DGKD: variants seen among roughly 807,000 people sequenced by gnomAD.
The protein encoded by DGKD is diacylglycerol kinase delta, also known as DAG kinase delta.
Under a neutral mutation model 154.4 loss-of-function variants are expected in DGKD, and 68 were observed. The ratio of observed to expected loss-of-function variants is 0.44; its 90% CI spans 0.36 to 0.54. The LOEUF (loss-of-function observed/expected upper bound fraction) is 0.54, where lower values mean the gene tolerates loss of function less well. DGKD is among the 20% of genes least tolerant of loss of function. DGKD has a pLI of 0.00. For synonymous variants in DGKD, 693 were observed against 638.0 expected (o/e 1.09, Z -1.30); for missense variants, 1,343 against 1,593.6 (o/e 0.84, Z 2.68).
chr2:233,421,343 G>A (rs1039778544), intron 3 of DGKD, among the ~76,000 whole-genome samples: 3 of 152,246 alleles, frequency 2.0e-5, no homozygotes, highest in East Asian at 1.9e-4. Context: ...CACATCCAGA[G>A]CCTGCCCACT....
At chr2:233,387,940 C>T (rs1441888972) in intron 1 of DGKD, among the ~76,000 whole-genome samples, 1 of 152,204 alleles carries the variant, frequency 6.6e-6, no homozygotes, top group Non-Finnish European at 1.5e-5. Context: ...GTCCTCCCAG[C>T]TGCTGTGTAC....
chr2:233,451,413 G>A (rs1559167488), intron 17 of DGKD, among the ~76,000 whole-genome samples: 1 of 152,162 alleles, frequency 6.6e-6, no homozygotes, highest in Non-Finnish European at 1.5e-5. Context: ...GTGGTCGCAG[G>A]AGGCGCAGGG....
Position 233,356,160 on chromosome 2 carries a change from C to T in DGKD, c.156+1486C>T, listed in dbSNP as rs192011480. Among the ~76,000 whole-genome samples, 7 of 152,308 alleles carry T rather than the reference C, an allele frequency of 4.6e-5. No homozygotes were observed. The East Asian group carries it at 1.3e-3, about 29-fold the overall frequency. On this transcript the variant is annotated intron_variant, in intron 1 of 29. Transcript: ENST00000264057. ...GAGATCTTGAGGGATAAAGAATTCA[C>T]CAGGCTAAGTGGGTAAGAAATGGCC...
intron 3 of DGKD, among the ~76,000 whole-genome samples, chr2:233,405,025 C>T (rs572705073): frequency 1.2e-4 from 18 of 152,212 alleles, no homozygotes; most frequent in Admixed American, 2.6e-4. Flanking sequence ...AAGGACAGGC[C>T]GGCCCTTGGT....
chr2:233,418,537 A>G (rs2062020107), intron 3 of DGKD, among the ~76,000 whole-genome samples: 1 of 152,246 alleles, frequency 6.6e-6, no homozygotes, highest in African/African-American at 2.4e-5. Context: ...TTCTAAAAAA[A>G]TAAATAAATT....
intron 18 of DGKD, 79 bp from the exon 19 acceptor site, chr2:233,454,684 G>A (rs1230535390): frequency 3.7e-6 from 3 of 821,312 alleles, no homozygotes; most frequent in Non-Finnish European, 6.1e-6. Context: ...CCAAGGAAGA[G>A]AAATGCTGAG....
At chr2:233,358,885 A>G (rs1701645885) in intron 1 of DGKD, among the ~76,000 whole-genome samples, 2 of 152,174 alleles carry the variant, frequency 1.3e-5, no homozygotes, top group Admixed American at 6.5e-5. Flanking sequence ...TTGTGTGGAC[A>G]TAGGTTTTCA....
Position 233,459,749 on chromosome 2 carries a change from C to T in DGKD, c.2695-8C>T. ...TCAGCATGAGTAATGGCTATGATGTCTGCTCAGTGTCGCACGGTGAAGATC... is the reference window on the plus strand; with the variant it reads ...TCAGCATGAGTAATGGCTATGATGTTTGCTCAGTGTCGCACGGTGAAGATC... On this transcript the variant is annotated splice_region_variant and splice_polypyrimidine_tract_variant and intron_variant, in intron 22 of 29. Transcript: ENST00000264057. The surrounding 1 kb of genome is among the most constrained non-coding windows in gnomAD (Gnocchi z 5.7). 1 of 1,612,874 alleles carries T rather than the reference C, an allele frequency of 6.2e-7. No homozygotes were observed. The highest frequency in any genetic ancestry group is 8.5e-7 in the Non-Finnish European group (1 of 1,179,446).
chr2:233,464,098 CT>C, intron 26 of DGKD, 65 bp from the exon 27 acceptor site: 1 of 1,602,596 alleles, frequency 6.2e-7, no homozygotes, highest in South Asian at 1.1e-5. Context: ...CCTCACCCCC[CT>C]GGGCCTCGCG....
intron 3 of DGKD, among the ~76,000 whole-genome samples, chr2:233,407,672 C>T (rs749224028): frequency 1.3e-5 from 2 of 152,140 alleles, no homozygotes; most frequent in South Asian, 2.1e-4. Flanking sequence ...GAGGCTGAGG[C>T]GGGAGGATCA....
At chr2:233,395,804 G>A (rs1703985694) in intron 3 of DGKD, among the ~76,000 whole-genome samples, 1 of 151,748 alleles carries the variant, frequency 6.6e-6, no homozygotes, top group Admixed American at 6.6e-5. Flanking sequence ...AAAATGTTCA[G>A]ATTACAGGCA....
intron 1 of DGKD, among the ~76,000 whole-genome samples, chr2:233,358,973 G>A (rs1441092): frequency 0.11 from 16,759 of 152,234 alleles, 1,208 homozygotes; most frequent in South Asian, 0.33. Flanking sequence ...CAGCTAAAAA[G>A]CTGCCGTAAC....
chr2:233,450,381 C>T (rs1022577626), intron 16 of DGKD, among the ~76,000 whole-genome samples: 1 of 152,172 alleles, frequency 6.6e-6, no homozygotes, highest in Non-Finnish European at 1.5e-5. Context: ...CGAGGACTGC[C>T]TCCCTGAGGA....
At position 233,449,484 on chromosome 2, in the gene DGKD, A is replaced by T; in HGVS notation, c.1888+108A>T. On this transcript the variant is annotated intron_variant, in intron 15 of 29. Transcript: ENST00000264057. This position sits in a 1 kb window ranked among gnomAD's most constrained non-coding sequence, Gnocchi z 5.3. Reference sequence around the variant, plus strand: ...AAGGGTGCATGTTGAGAAAACCTCCACTGCGGCCCTCTCCACCCATGTCCA... The same window carrying T: ...AAGGGTGCATGTTGAGAAAACCTCCTCTGCGGCCCTCTCCACCCATGTCCA... 1 of 1,412,648 alleles carries T rather than the reference A, an allele frequency of 7.1e-7. No individual in the cohort carries two copies. The highest frequency in any genetic ancestry group is 9.4e-7 in the Non-Finnish European group (1 of 1,067,052). 87.5% of individuals were successfully genotyped at this position (1,412,648 alleles called of 1,614,324 possible).
At chr2:233,408,046 T>TG (rs1383002148) in intron 3 of DGKD, among the ~76,000 whole-genome samples, 2 of 144,302 alleles carry the variant, frequency 1.4e-5, no homozygotes, top group Non-Finnish European at 3.0e-5. Context: ...GAAAAACTGT[T>TG]TTTTTTTTTT....
At chr2:233,432,767 C>T (rs1417952308) in intron 3 of DGKD, among the ~76,000 whole-genome samples, 2 of 152,186 alleles carry the variant, frequency 1.3e-5, no homozygotes, top group Non-Finnish European at 2.9e-5. Flanking sequence ...AAAATCTAAT[C>T]ATCCAGTTAA....
chr2:233,370,606 C>G (rs7576633), intron 1 of DGKD, among the ~76,000 whole-genome samples: 30,681 of 136,776 alleles, frequency 0.22, 3,831 homozygotes, highest in African/African-American at 0.37. Flanking sequence ...GTGAATAATA[C>G]TCTGTTCTGT....
Position 233,469,602 on chromosome 2 carries a change from C to T in DGKD, c.*142C>T, listed in dbSNP as rs887922756. ...CCGCCCCCTTCTCATGGTGCTACTT[C>T]CTCTGTCAGCTACAGAAAGCCTCCG... On this transcript the variant is annotated 3_prime_UTR_variant, in exon 30 of 30. Coordinates refer to ENST00000264057, the MANE Select transcript of DGKD (RefSeq NM_152879.3). 1 of 681,044 alleles carries T rather than the reference C, an allele frequency of 1.5e-6. No individual in the cohort carries two copies. The highest frequency in any genetic ancestry group is 2.5e-6 in the Non-Finnish European group (1 of 399,548). 42.2% of individuals were successfully genotyped at this position (681,044 alleles called of 1,614,324 possible). A position where few individuals can be genotyped will look rare whatever the true frequency, so the allele number is the denominator to read the frequency against.
chr2:233,448,705 A>G (rs907336715), intron 14 of DGKD, among the ~76,000 whole-genome samples: 3 of 152,210 alleles, frequency 2.0e-5, no homozygotes, highest in African/African-American at 7.2e-5. Flanking sequence ...GGTAGCTTGC[A>G]TTCAGTCTGA....
Sources: gnomAD v4.1 joint callset for allele counts (sites outside exome capture counted in the v4.1 genomes callset) on GRCh38, gnomAD v4.1.1 for gene constraint, Gnocchi (gnomAD v3.1) non-coding constraint, MANE v1.5 for transcripts, NCBI Gene and HGNC (gene_info 2026-07-23, HGNC 2026-07-21) for gene names.